Variants in HTR1F observed in about 807,000 individuals in gnomAD.
The protein encoded by HTR1F is 5-hydroxytryptamine receptor 1F.
HTR1F carries 17 observed loss-of-function variants against 24.0 expected under a neutral mutation model. That is an observed-to-expected ratio of 0.71 (90% confidence interval 0.48 to 1.06). HTR1F has a LOEUF of 1.06. Among genes scored for constraint, HTR1F ranks in the 50% least tolerant of loss-of-function variants. The pLI, the probability that HTR1F is intolerant of heterozygous loss-of-function variation, is 0.00. For missense variants in HTR1F, 391 were observed against 427.8 expected, an observed-to-expected ratio of 0.91 and a Z score of 0.76; for synonymous variants, 186 against 156.8, an observed-to-expected ratio of 1.19 and a Z score of -1.39.
intron 2 of HTR1F, among the ~76,000 whole-genome samples, chr3:87,969,060 T>C (rs1306022021): frequency 6.6e-6 from 1 of 152,238 alleles, no homozygotes; most frequent in African/African-American, 2.4e-5. Flanking sequence ...TTTGGAAACC[T>C]CCGCCTAGAT....
At chr3:87,962,883 T>C (rs182192352) in intron 2 of HTR1F, among the ~76,000 whole-genome samples, 1 of 152,034 alleles carries the variant, frequency 6.6e-6, no homozygotes, top group Non-Finnish European at 1.5e-5. Context: ...TCACCAGATA[T>C]TCTCTCTTTG....
intron 1 of HTR1F, among the ~76,000 whole-genome samples, chr3:87,799,456 A>C (rs1422081722): frequency 6.6e-6 from 1 of 152,248 alleles, no homozygotes; most frequent in African/African-American, 2.4e-5. Context: ...GCCACAAATA[A>C]GATGAAATGA....
intron 2 of HTR1F, among the ~76,000 whole-genome samples, chr3:87,922,092 A>G (rs1411312127): frequency 6.6e-6 from 1 of 151,916 alleles, no homozygotes; most frequent in Non-Finnish European, 1.5e-5. Context: ...AGTTTCTTGA[A>G]GAAAGTTCAT....
At chr3:87,956,671 A>G (rs965656242) in intron 2 of HTR1F, among the ~76,000 whole-genome samples, 9 of 151,402 alleles carry the variant, frequency 5.9e-5, no homozygotes, top group African/African-American at 1.7e-4. Context: ...ACCATGTTCC[A>G]TAATTTTCAG....
intron 2 of HTR1F, among the ~76,000 whole-genome samples, chr3:87,827,976 G>A (rs1704498958): frequency 6.6e-6 from 1 of 152,132 alleles, no homozygotes; most frequent in African/African-American, 2.4e-5. Flanking sequence ...AAGGGCCAGA[G>A]AGAGCAGAAT....
At chr3:87,899,227 G>C (rs1393821389) in intron 2 of HTR1F, among the ~76,000 whole-genome samples, 2 of 152,166 alleles carry the variant, frequency 1.3e-5, no homozygotes, top group Non-Finnish European at 2.9e-5. Context: ...CTCAGTCTCA[G>C]ACACAAAGGC....
At chr3:87,978,762 T>TAGAAGGAG (rs1486348467) in intron 2 of HTR1F, among the ~76,000 whole-genome samples, 55 of 147,986 alleles carry the variant, frequency 3.7e-4, no homozygotes, top group Non-Finnish European at 4.2e-4. Context: ...TGGGTGGGCC[T>TAGAAGGAG]AGAAGGAGAG....
chr3:87,989,975 T>A (rs1238533486), intron 2 of HTR1F, among the ~76,000 whole-genome samples: 6 of 152,214 alleles, frequency 3.9e-5, no homozygotes, highest in African/African-American at 1.4e-4. Context: ...AATTTATAAC[T>A]GAGGTCTGAG....
intron 2 of HTR1F, among the ~76,000 whole-genome samples, chr3:87,870,571 GGAGA>G (rs1451319745): frequency 6.6e-6 from 1 of 152,060 alleles, no homozygotes; most frequent in Non-Finnish European, 1.5e-5. Context: ...TTCTGTCTTG[GGAGA>G]GAGAAAGAAA....
At chr3:87,800,077 C>A (rs1248133695) in intron 1 of HTR1F, among the ~76,000 whole-genome samples, 1 of 152,148 alleles carries the variant, frequency 6.6e-6, no homozygotes, top group Non-Finnish European at 1.5e-5. Flanking sequence ...TAGACTCTTT[C>A]AATACCTTCC....
intron 2 of HTR1F, among the ~76,000 whole-genome samples, chr3:87,840,942 G>T (rs746183435): frequency 8.6e-5 from 13 of 151,966 alleles, no homozygotes; most frequent in African/African-American, 3.1e-4. Context: ...GAGTGTGGAC[G>T]GGAAAAGGGG....
In HTR1F at chr3:87,935,858, A is replaced by T. The variant is rs535245583; in HGVS notation, c.-42-54850A>T. Among the ~76,000 whole-genome samples, 9 of 148,232 alleles carry T rather than the reference A, an allele frequency of 6.1e-5. No homozygotes were observed. In the South Asian group the frequency reaches 1.9e-3, roughly 32 times the overall value. ...AATAACATTTCCCCACATTTTTAGG[A>T]TTTTTTTTTTTAGATGGAGTCTCGC... On this transcript the variant is annotated intron_variant, in intron 2 of 2. Transcript: ENST00000319595.
At chr3:87,906,776 G>C (rs1422405473) in intron 2 of HTR1F, among the ~76,000 whole-genome samples, 1 of 151,828 alleles carries the variant, frequency 6.6e-6, no homozygotes, top group Non-Finnish European at 1.5e-5. Flanking sequence ...CCACTTGTAA[G>C]TGAGAACATA....
At chr3:87,899,154 C>T (rs1706267049) in intron 2 of HTR1F, among the ~76,000 whole-genome samples, 1 of 152,162 alleles carries the variant, frequency 6.6e-6, no homozygotes, top group South Asian at 2.1e-4. Context: ...TAAGTAAATA[C>T]TGTCCTTTGA....
intron 2 of HTR1F, among the ~76,000 whole-genome samples, chr3:87,868,204 T>G (rs1456907950): frequency 6.6e-6 from 1 of 152,132 alleles, no homozygotes; most frequent in African/African-American, 2.4e-5. Context: ...CTGACATTAG[T>G]TGGATCTCAT....
In HTR1F at chr3:87,991,739, T is replaced by C; in HGVS notation, c.990T>C (p.Asn330=). The change falls in exon 3 of 3, where the codon AAT becomes AAC. Residue 330 remains asparagine, a synonymous_variant. Transcript: ENST00000319595. ...GTAAAATTTCTGAAGAAATGTCCAA[T>C]TTTTTGGCATGGCTTGGGTATCTCA... ...DKCKISEEMS[N]FLAWLGYLNS... 1 of 1,613,764 alleles carries C rather than the reference T, an allele frequency of 6.2e-7. No individual in the cohort carries two copies. The highest frequency in any genetic ancestry group is 8.5e-7 in the Non-Finnish European group (1 of 1,179,740).
chr3:87,867,462 C>T (rs1705454825), intron 2 of HTR1F, among the ~76,000 whole-genome samples: 2 of 151,774 alleles, frequency 1.3e-5, no homozygotes, highest in Admixed American at 6.6e-5. Flanking sequence ...AATTTTTATT[C>T]GCTCAAGCAT....
chr3:87,930,940 G>A (rs905778867), intron 2 of HTR1F, among the ~76,000 whole-genome samples: 6 of 150,742 alleles, frequency 4.0e-5, no homozygotes, highest in African/African-American at 1.5e-4. Context: ...CATTCAATAA[G>A]TGAATAAAAC....
At chr3:87,848,198 A>G (rs1421300191) in intron 2 of HTR1F, among the ~76,000 whole-genome samples, 1 of 151,838 alleles carries the variant, frequency 6.6e-6, no homozygotes, top group Non-Finnish European at 1.5e-5. Flanking sequence ...TCTTTTTGAT[A>G]ATAGCCATTC....
Sources: allele counts gnomAD v4.1 joint callset (sites outside exome capture counted in the v4.1 genomes callset), GRCh38; gene constraint gnomAD v4.1.1; transcripts MANE v1.5; gene names NCBI Gene and HGNC (gene_info 2026-07-23, HGNC 2026-07-21).